Variants in RIC1 observed in about 807,000 individuals in gnomAD.
RIC1 encodes the protein RIC1 partner of RAB6A GEF complex.
A neutral mutation model predicts 169.0 loss-of-function variants in RIC1; 88 were observed. The ratio of observed to expected loss-of-function variants is 0.52; its 90% CI spans 0.44 to 0.62. The LOEUF (loss-of-function observed/expected upper bound fraction) is 0.62. Among genes scored for constraint, RIC1 ranks in the 20% least tolerant of loss-of-function variants. The pLI is 0.00. For missense variants in RIC1, 1,877 were observed against 1,725.5 expected (o/e 1.09, Z -1.56); for synonymous variants, 790 against 601.5 (o/e 1.31, Z -4.59).
chr9:5,750,067 G>A lies in RIC1; in HGVS notation c.1452+2562G>A, dbSNP rs192829014. 5.3e-3 allele frequency among the ~76,000 whole-genome samples: 799 copies of A among 151,814 alleles called. 4 individuals are homozygous for A. The highest frequency in any genetic ancestry group is 0.014 in the Admixed American group (221 of 15,264). ...ACTGGGATTACAGGCGTGAGCCACCGCACCCAGCCAAAGCAAGCACCAGCA... is the reference window on the plus strand; with the variant it reads ...ACTGGGATTACAGGCGTGAGCCACCACACCCAGCCAAAGCAAGCACCAGCA... On this transcript the variant is annotated intron_variant, in intron 12 of 25. Transcript: ENST00000414202.
chr9:5,690,645 C>G (rs1477816458), intron 3 of RIC1, among the ~76,000 whole-genome samples: 1 of 150,014 alleles, frequency 6.7e-6, no homozygotes, highest in Non-Finnish European at 1.5e-5. Context: ...TGGAAGATAT[C>G]CAAAGTTTAA....
At chr9:5,713,640 G>A in intron 3 of RIC1, 1 of 273,158 alleles carries the variant, frequency 3.7e-6, no homozygotes, top group South Asian at 6.3e-5. Context: ...ATTTCAAGTG[G>A]GTTTTTTTCT....
intron 14 of RIC1, 67 bp downstream of exon 14, chr9:5,753,713 A>G (rs1825848174): frequency 2.8e-6 from 2 of 717,396 alleles, no homozygotes; most frequent in Non-Finnish European, 4.5e-6. Flanking sequence ...TGAAATAGCT[A>G]TAAAGTTTAT....
At chr9:5,661,113 G>C (rs369920888) in intron 2 of RIC1, among the ~76,000 whole-genome samples, 19 of 152,070 alleles carry the variant, frequency 1.2e-4, no homozygotes, top group African/African-American at 4.6e-4. Context: ...CATTGCTTGT[G>C]TTTGTCAGGT....
chr9:5,770,529 T>G (rs1827137517), intron 23 of RIC1, among the ~76,000 whole-genome samples: 1 of 152,228 alleles, frequency 6.6e-6, no homozygotes, highest in Admixed American at 6.5e-5. Flanking sequence ...AAATCAATTT[T>G]GATGATAAGG....
chr9:5,636,125 A>G (rs746098004), intron 1 of RIC1, among the ~76,000 whole-genome samples: 2 of 152,186 alleles, frequency 1.3e-5, no homozygotes, highest in African/African-American at 2.4e-5. Flanking sequence ...ATTGCATTGA[A>G]TCCATAGATT....
intron 21 of RIC1, among the ~76,000 whole-genome samples, chr9:5,766,814 C>T (rs1826795947): frequency 6.6e-6 from 1 of 152,178 alleles, no homozygotes; most frequent in Non-Finnish European, 1.5e-5. Context: ...AACGTGTGTG[C>T]AAGTATCTTT....
At chr9:5,658,889 T>G (rs1167059694) in intron 2 of RIC1, among the ~76,000 whole-genome samples, 1 of 151,594 alleles carries the variant, frequency 6.6e-6, no homozygotes, top group Non-Finnish European at 1.5e-5. Flanking sequence ...CATCTACCAC[T>G]TAACAGACAC....
At chr9:5,687,980 C>G (rs915245897) in intron 2 of RIC1, among the ~76,000 whole-genome samples, 11 of 152,050 alleles carry the variant, frequency 7.2e-5, no homozygotes, top group African/African-American at 2.4e-4. Flanking sequence ...TGATCATTGT[C>G]TAACCTGTCA....
downstream of RIC1, among the ~76,000 whole-genome samples, chr9:5,777,403 T>TAA (rs397703024): frequency 2.1e-3 from 292 of 142,034 alleles, 2 homozygotes; most frequent in African/African-American, 6.8e-3. Context: ...TAAATACTGC[T>TAA]AAAAAAAAAA....
intron 3 of RIC1, among the ~76,000 whole-genome samples, chr9:5,709,800 C>T (rs1822826517): frequency 6.6e-6 from 1 of 152,082 alleles, no homozygotes; most frequent in African/African-American, 2.4e-5. Flanking sequence ...GTTTGGAAGA[C>T]AGGATGGAAA....
chr9:5,752,813 C>T (rs888196228), intron 12 of RIC1, among the ~76,000 whole-genome samples: 5 of 152,090 alleles, frequency 3.3e-5, no homozygotes, highest in African/African-American at 9.7e-5. Context: ...TTTTCTGAGG[C>T]TGTAATTGTA....
chr9:5,664,050 C>A (rs1441758821), intron 2 of RIC1, among the ~76,000 whole-genome samples: 1 of 152,064 alleles, frequency 6.6e-6, no homozygotes, highest in Non-Finnish European at 1.5e-5. Context: ...TCTTGTTTCT[C>A]CTTTGCTTAT....
intron 3 of RIC1, among the ~76,000 whole-genome samples, chr9:5,697,601 G>C (rs1287543668): frequency 6.6e-6 from 1 of 152,088 alleles, no homozygotes; most frequent in East Asian, 1.9e-4. Flanking sequence ...AAGCATTCCA[G>C]TAAACAATGA....
chr9:5,753,051 A>G, intron 12 of RIC1, 149 bp from the exon 13 acceptor site: 1 of 644,376 alleles, frequency 1.6e-6, no homozygotes, highest in Admixed American at 2.5e-5. Context: ...TGATTCATAT[A>G]CAAATGGTAA....
intron 1 of RIC1, among the ~76,000 whole-genome samples, chr9:5,649,278 C>T (rs1264118936): frequency 6.6e-6 from 1 of 152,160 alleles, no homozygotes; most frequent in African/African-American, 2.4e-5. Flanking sequence ...TCCTGAATGT[C>T]CATTGGTTCT....
At chr9:5,770,982 A>G (rs559749297) in intron 23 of RIC1, among the ~76,000 whole-genome samples, 1 of 152,262 alleles carries the variant, frequency 6.6e-6, no homozygotes, top group Admixed American at 6.5e-5. Context: ...CATTTGTCTA[A>G]TGTTTGATTA....
chr9:5,643,127 C>T (rs962276841), intron 1 of RIC1, among the ~76,000 whole-genome samples: 1 of 151,896 alleles, frequency 6.6e-6, no homozygotes, highest in Non-Finnish European at 1.5e-5. Flanking sequence ...TAGGGAGACC[C>T]CCATCTCTAT....
chr9:5,741,682 G>C (rs191958109), intron 8 of RIC1, among the ~76,000 whole-genome samples: 105 of 152,104 alleles, frequency 6.9e-4, no homozygotes, highest in African/African-American at 2.4e-3. Context: ...CTCCTTGTTT[G>C]AGTCTTCTCC....
Sources: allele counts gnomAD v4.1 joint callset (sites outside exome capture counted in the v4.1 genomes callset), GRCh38; gene constraint gnomAD v4.1.1; transcripts MANE v1.5; gene names NCBI Gene and HGNC (gene_info 2026-07-23, HGNC 2026-07-21).